Variants in DSCAM observed in about 807,000 individuals in gnomAD.
DSCAM encodes DS cell adhesion molecule.
A neutral mutation model predicts 217.7 loss-of-function variants in DSCAM; 47 were observed. The observed-to-expected ratio is 0.22, with a 90% CI of 0.17 to 0.28. The LOEUF (loss-of-function observed/expected upper bound fraction) is 0.28, where lower values mean the gene tolerates loss of function less well. DSCAM is among the 10% of genes least tolerant of loss of function. DSCAM has a pLI of 1.00. For synonymous variants in DSCAM, 1,056 were observed against 1,015.3 expected (o/e 1.04, Z -0.76); for missense variants, 2,080 against 2,618.3 (o/e 0.79, Z 4.49).
chr21:40,273,526 G>C (rs1279043580), intron 11 of DSCAM, among the ~76,000 whole-genome samples: 1 of 152,106 alleles, frequency 6.6e-6, no homozygotes, highest in African/African-American at 2.4e-5. Context: ...CTTGTATCTG[G>C]CTTCTCTGTC....
chr21:40,703,318 C>T (rs868572904), intron 2 of DSCAM, among the ~76,000 whole-genome samples: 1 of 152,150 alleles, frequency 6.6e-6, no homozygotes, highest in Non-Finnish European at 1.5e-5. Flanking sequence ...GAGTTAGCGA[C>T]CATCCTGGGC....
At chr21:40,052,344 C>T (rs971487842) in intron 29 of DSCAM, among the ~76,000 whole-genome samples, 1 of 152,176 alleles carries the variant, frequency 6.6e-6, no homozygotes, top group African/African-American at 2.4e-5. Flanking sequence ...TAAGAAGAAC[C>T]ATGACTATGC....
intron 20 of DSCAM, among the ~76,000 whole-genome samples, chr21:40,113,639 A>G (rs901928347): frequency 6.6e-6 from 1 of 152,194 alleles, no homozygotes; most frequent in African/African-American, 2.4e-5. Context: ...TTTGCAGATG[A>G]CATGATTGTA....
intron 3 of DSCAM, among the ~76,000 whole-genome samples, chr21:40,414,380 A>C (rs1004751501): frequency 6.6e-6 from 1 of 152,232 alleles, no homozygotes; most frequent in Non-Finnish European, 1.5e-5. Flanking sequence ...AGCATATTTT[A>C]AATGTTTAAT....
Position 40,246,354 on chromosome 21 carries a change from T to TAAAAA in DSCAM, c.2356+29738_2356+29742dup, listed in dbSNP as rs34308158. On this transcript the variant is annotated intron_variant, in intron 11 of 32. Coordinates refer to ENST00000400454, the MANE Select transcript of DSCAM (RefSeq NM_001389.5). ...CAACATGATGAAACCCAGTCCGTAC[T>TAAAAA]AAAAAAAAAAAAAAAAAAAAAAAAA... 7.2e-4 allele frequency among the ~76,000 whole-genome samples: 10 copies of TAAAAA among 13,936 alleles called. 4 individuals are homozygous for TAAAAA. The highest frequency in any genetic ancestry group is 2.7e-3 in the African/African-American group (10 of 3,736). The allele number at this position is 13,936 out of a possible 152,430, so 9.1% of individuals were successfully genotyped here.
At chr21:40,724,480 C>T (rs1281056577) in intron 1 of DSCAM, among the ~76,000 whole-genome samples, 1 of 151,874 alleles carries the variant, frequency 6.6e-6, no homozygotes, top group Non-Finnish European at 1.5e-5. Context: ...GATTAAGAGG[C>T]AAAGAGTTGG....
chr21:40,532,246 C>A (rs1287131564), intron 3 of DSCAM, among the ~76,000 whole-genome samples: 1 of 149,928 alleles, frequency 6.7e-6, no homozygotes, highest in Non-Finnish European at 1.5e-5. Flanking sequence ...AAAAAAAGAA[C>A]AATGAATCTG....
In DSCAM at chr21:40,075,213, C is replaced by T; in HGVS notation, c.4712G>A (p.Ser1571Asn). The T allele has an allele frequency of 1.2e-6, 2 of 1,614,136 alleles. No individual in the cohort carries two copies. Among genetic ancestry groups the T allele is most frequent in the Non-Finnish European group, 1.7e-6 (2 of 1,180,012 alleles). The change falls in exon 27 of 33, where the codon AGT becomes AAT. Residue 1571 changes from serine to asparagine, a missense_variant and splice_region_variant. Physicochemically the swap from Ser to Asn is conservative, Grantham distance 46. This residue lies in a region of DSCAM where 1,144 missense variants were observed against 1,421.1 expected (regional missense o/e 0.81). Transcript: ENST00000400454. Reference sequence around the variant, plus strand: ...TGACTTAATGAGTGGAGGAATTGTACCTGAAAGCAGGGCCACGGTGTTAGA... The same window carrying T: ...TGACTTAATGAGTGGAGGAATTGTATCTGAAAGCAGGGCCACGGTGTTAGA... ...ANFATLNYDG[S>N]TIPPLIKSVV...
At position 40,711,311 on chromosome 21, in the gene DSCAM, C is replaced by T. The variant is rs138013256; in HGVS notation, c.44-2540G>A. Among the ~76,000 whole-genome samples the T allele has an allele frequency of 3.3e-3, 505 of 152,290 alleles. 2 individuals carry two copies. The highest frequency in any genetic ancestry group is 0.012 in the African/African-American group (493 of 41,556). Reference sequence around the variant, plus strand: ...GCTACTAAGTCTATGTGATAAAATACATGAGCCCCTCACTTTGCCTGTAGT... The same window carrying T: ...GCTACTAAGTCTATGTGATAAAATATATGAGCCCCTCACTTTGCCTGTAGT... On this transcript the variant is annotated intron_variant, in intron 1 of 32. Coordinates refer to ENST00000400454, the MANE Select transcript of DSCAM (RefSeq NM_001389.5).
chr21:40,647,956 A>C (rs8129926), intron 3 of DSCAM, among the ~76,000 whole-genome samples: 2 of 151,890 alleles, frequency 1.3e-5, no homozygotes, highest in Non-Finnish European at 2.9e-5. Context: ...GATGTGCTGC[A>C]TAGGGGGAGG....
At chr21:40,268,652 C>T (rs899588252) in intron 11 of DSCAM, among the ~76,000 whole-genome samples, 1 of 151,960 alleles carries the variant, frequency 6.6e-6, no homozygotes, top group South Asian at 2.1e-4. Flanking sequence ...TTTTTACTGG[C>T]CCCAGTAATT....
At chr21:40,434,979 C>A (rs1178290613) in intron 3 of DSCAM, among the ~76,000 whole-genome samples, 1 of 152,172 alleles carries the variant, frequency 6.6e-6, no homozygotes, top group Non-Finnish European at 1.5e-5. Flanking sequence ...CCTTTTGAGA[C>A]AGGCCATCCT....
chr21:40,369,124 G>A lies in DSCAM; in HGVS notation c.630C>T (p.Ser210=). The A allele has an allele frequency of 1.2e-6, 2 of 1,611,512 alleles. No homozygotes were observed. The highest frequency in any genetic ancestry group is 1.1e-5 in the South Asian group (1 of 90,198). The change falls in exon 4 of 33, where the codon AGC becomes AGT. Residue 210 remains serine (S), a synonymous_variant. Transcript: ENST00000400454. The stretch of plus-strand genomic sequence containing the variant: ...CTGATACAAAAAGTCTGGCGCTGTT[G>A]CTCTGCCTCGTCTCTCCGGTGTATC... ...RHRYTGETRQ[S]NSARLFVSDP...
At chr21:40,296,999 A>T (rs79734973) in intron 9 of DSCAM, among the ~76,000 whole-genome samples, 5,744 of 152,244 alleles carry the variant, frequency 0.038, 330 homozygotes, top group African/African-American at 0.13. Flanking sequence ...TCGTAAAGGC[A>T]ATCGAGAATA....
At chr21:40,596,163 A>G (rs1220151676) in intron 3 of DSCAM, among the ~76,000 whole-genome samples, 2 of 152,226 alleles carry the variant, frequency 1.3e-5, no homozygotes, top group African/African-American at 4.8e-5. Flanking sequence ...TCACATCAAC[A>G]CGGCTGACTC....
rs908749270 is a variant in DSCAM, at chr21:40,080,024, A to T, written c.4420+128T>A. 19 of 867,558 alleles carry T rather than the reference A, an allele frequency of 2.2e-5. 2 individuals are homozygous for T. 53.7% of individuals were successfully genotyped at this position (867,558 alleles called of 1,614,324 possible). On this transcript the variant is annotated intron_variant, in intron 25 of 32. Coordinates refer to ENST00000400454, the MANE Select transcript of DSCAM (RefSeq NM_001389.5). ...CTCTCATTATGCCGTGGCACTGCTG[A>T]AGCCATGTGAGGAATGACAAAGTTC...
chr21:40,041,347 G>A (rs1020013892), intron 32 of DSCAM, among the ~76,000 whole-genome samples: 1 of 152,194 alleles, frequency 6.6e-6, no homozygotes, highest in African/African-American at 2.4e-5. Context: ...ACTACACTTG[G>A]CTGCCATAGG....
intron 14 of DSCAM, among the ~76,000 whole-genome samples, chr21:40,179,351 T>G (rs941728312): frequency 6.6e-6 from 1 of 152,066 alleles, no homozygotes; most frequent in African/African-American, 2.4e-5. Context: ...ACAAGCCAGC[T>G]GAGTTCAGGG....
intron 3 of DSCAM, among the ~76,000 whole-genome samples, chr21:40,599,034 T>G (rs983655074): frequency 1.2e-4 from 18 of 152,202 alleles, no homozygotes; most frequent in African/African-American, 4.3e-4. Context: ...TTTGTTCTTT[T>G]TTAACATTGG....
Sources: allele counts gnomAD v4.1 joint callset (sites outside exome capture counted in the v4.1 genomes callset), GRCh38; gene constraint gnomAD v4.1.1; regional missense constraint gnomAD v4.1.1; transcripts MANE v1.5; gene names NCBI Gene and HGNC (gene_info 2026-07-23, HGNC 2026-07-21).